NOX4: variants seen among roughly 807,000 people sequenced by gnomAD.
NOX4 encodes the protein NADPH oxidase 4.
Under a neutral mutation model 87.6 loss-of-function variants are expected in NOX4, and 69 were observed. The observed-to-expected ratio is 0.79, with a 90% CI of 0.65 to 0.96. NOX4 has a LOEUF of 0.96. Ranked by LOEUF, NOX4 falls within the 40% of genes least tolerant of loss-of-function variation. NOX4 has a pLI of 0.00. For missense variants in NOX4, 680 were observed against 681.5 expected (o/e 1.00, Z 0.02); for synonymous variants, 275 against 238.2 (o/e 1.15, Z -1.42).
intron 8 of NOX4, among the ~76,000 whole-genome samples, chr11:89,410,042 A>G (rs1397584256): frequency 1.3e-5 from 2 of 149,996 alleles, no homozygotes; most frequent in Non-Finnish European, 2.9e-5. Flanking sequence ...AGCAACACAG[A>G]AAGACCATGT....
intron 8 of NOX4, among the ~76,000 whole-genome samples, chr11:89,403,544 A>G (rs2135192402): frequency 6.6e-6 from 1 of 152,278 alleles, no homozygotes. Context: ...GTTCGAGACC[A>G]GCCTGACCAA....
chr11:89,574,882 AT>A, the NOX4 span, among the ~76,000 whole-genome samples: 2 of 152,228 alleles, frequency 1.3e-5, no homozygotes, highest in African/African-American at 4.8e-5. Context: ...CCAAGGCGTC[AT>A]TAAAGATATT....
intron 2 of NOX4, among the ~76,000 whole-genome samples, chr11:89,478,038 T>G (rs1052185815): frequency 1.3e-5 from 2 of 152,170 alleles, no homozygotes; most frequent in Non-Finnish European, 2.9e-5. Flanking sequence ...CATTCTTAAT[T>G]CCAAAGATGT....
At chr11:89,341,230 C>T (rs2135384221) in intron 14 of NOX4, among the ~76,000 whole-genome samples, 1 of 146,308 alleles carries the variant, frequency 6.8e-6, no homozygotes. Context: ...TCAAGAGATT[C>T]TCATGCCTCA....
chr11:89,336,916 C>T (rs1484086998), intron 16 of NOX4, among the ~76,000 whole-genome samples: 1 of 151,922 alleles, frequency 6.6e-6, no homozygotes, highest in African/African-American at 2.4e-5. Flanking sequence ...TACACCAGTC[C>T]AGCTCTTCAA....
the NOX4 span, among the ~76,000 whole-genome samples, chr11:89,574,146 T>C: frequency 3.4e-4 from 52 of 152,264 alleles, no homozygotes; most frequent in African/African-American, 9.6e-4. Context: ...AGTGTGATAA[T>C]TGTCAAACCA....
At chr11:89,402,636 T>C (rs1179446840) in intron 8 of NOX4, 94 bp from the exon 9 acceptor site, 2 of 1,006,318 alleles carry the variant, frequency 2.0e-6, no homozygotes, top group African/African-American at 1.6e-5. Flanking sequence ...TTTTTGTTTT[T>C]GTTTGCTAAC....
At chr11:89,408,963 C>T (rs1942328836) in intron 8 of NOX4, among the ~76,000 whole-genome samples, 2 of 152,140 alleles carry the variant, frequency 1.3e-5, no homozygotes, top group South Asian at 4.1e-4. Context: ...TTAGGATCAA[C>T]ATTTACAACT....
intron 2 of NOX4, chr11:89,488,960 G>A (rs1484428722): frequency 4.3e-6 from 3 of 701,330 alleles, no homozygotes. Flanking sequence ...CTCTCTGGGT[G>A]CCCATCTGAA....
the NOX4 span, among the ~76,000 whole-genome samples, chr11:89,533,091 A>T: frequency 4.7e-4 from 71 of 152,322 alleles, 1 homozygote; most frequent in South Asian, 0.014. Flanking sequence ...AAAAACAGAG[A>T]TAATACTATG....
At chr11:89,560,286 T>C in the NOX4 span, among the ~76,000 whole-genome samples, 1 of 152,136 alleles carries the variant, frequency 6.6e-6, no homozygotes, top group African/African-American at 2.4e-5. Flanking sequence ...AGGAAGATTT[T>C]CTCCTACAGG....
chr11:89,409,165 G>A (rs184821485), intron 8 of NOX4, among the ~76,000 whole-genome samples: 171 of 152,170 alleles, frequency 1.1e-3, no homozygotes, highest in African/African-American at 3.9e-3. Flanking sequence ...TAAAATGACA[G>A]TGGAGGATAA....
In NOX4 at chr11:89,330,684, TA is replaced by T. The variant is rs950991972; in HGVS notation, c.1617-3809del. Among the ~76,000 whole-genome samples, 13 of 139,802 alleles carry T rather than the reference TA, an allele frequency of 9.3e-5. No individual in the cohort carries two copies. The East Asian group carries it at 1.5e-3, about 16-fold the overall frequency. 91.7% of individuals were successfully genotyped at this position (139,802 alleles called of 152,430 possible). On this transcript the variant is annotated intron_variant, in intron 17 of 17. Transcript: ENST00000263317. ...AACATTAGAGAAAAAAGTGGAATTA[TA>T]AAAAAAAATTCAACCCAAATCAAGG...
At chr11:89,454,451 C>A (rs1179864495) in intron 2 of NOX4, among the ~76,000 whole-genome samples, 1 of 152,038 alleles carries the variant, frequency 6.6e-6, no homozygotes, top group Non-Finnish European at 1.5e-5. Context: ...AGTGTCTGAA[C>A]ATTGGCATTT....
the NOX4 span, among the ~76,000 whole-genome samples, chr11:89,528,717 G>T: frequency 6.6e-6 from 1 of 152,076 alleles, no homozygotes; most frequent in South Asian, 2.1e-4. Context: ...CAGCCATGCC[G>T]AACTGTGAGT....
the NOX4 span, among the ~76,000 whole-genome samples, chr11:89,568,944 G>T: frequency 6.6e-6 from 1 of 152,136 alleles, no homozygotes; most frequent in Non-Finnish European, 1.5e-5. Flanking sequence ...GAATGGTGCT[G>T]GGTAACTGGC....
chr11:89,386,283 C>T (rs1159568253), intron 11 of NOX4, among the ~76,000 whole-genome samples: 1 of 152,146 alleles, frequency 6.6e-6, no homozygotes, highest in Non-Finnish European at 1.5e-5. Context: ...TCTGTCTAGT[C>T]AAACTCCTAT....
At chr11:89,393,634 A>G in intron 11 of NOX4, among the ~76,000 whole-genome samples, 1 of 152,296 alleles carries the variant, frequency 6.6e-6, no homozygotes, top group African/African-American at 2.4e-5. Flanking sequence ...TGAAAGTAAT[A>G]ATAATATCTG....
the NOX4 span, among the ~76,000 whole-genome samples, chr11:89,504,026 T>C: frequency 6.6e-6 from 1 of 151,404 alleles, no homozygotes; most frequent in Non-Finnish European, 1.5e-5. Context: ...GGGTATGCAA[T>C]GCTGTGGGGT....
Sources: allele counts gnomAD v4.1 joint callset (sites outside exome capture counted in the v4.1 genomes callset), GRCh38; gene constraint gnomAD v4.1.1; transcripts MANE v1.5; gene names NCBI Gene and HGNC (gene_info 2026-07-23, HGNC 2026-07-21).